The following PNKD variants were observed in gnomAD, a reference collection of about 807,000 sequenced individuals.
The protein encoded by PNKD is probable thioesterase PNKD.
Under a neutral mutation model 45.3 loss-of-function variants are expected in PNKD, and 36 were observed. The ratio of observed to expected loss-of-function variants is 0.80; its 90% CI spans 0.61 to 1.05. The LOEUF is 1.05. Ranked by LOEUF, PNKD falls within the 50% of genes least tolerant of loss-of-function variation. The probability of loss-of-function intolerance (pLI) is 0.00; values close to 1 mark genes in which losing one functional copy is unlikely to be tolerated. For synonymous variants in PNKD, 197 were observed against 210.1 expected (o/e 0.94, Z 0.54); for missense variants, 511 against 506.6 (o/e 1.01, Z -0.08).
chr2:218,272,914 C>T, intron 2 of PNKD: 4 of 1,529,628 alleles, frequency 2.6e-6, no homozygotes, highest in Non-Finnish European at 3.5e-6. Flanking sequence ...CAGCCAAAGG[C>T]AAATAAAGTT....
At chr2:218,276,012 G>A (rs200815904) in intron 2 of PNKD, 208 of 1,609,464 alleles carry the variant, frequency 1.3e-4, no homozygotes, top group Non-Finnish European at 1.7e-4. Context: ...TCCTAGAGTG[G>A]GGCTGGGACT....
At chr2:218,298,047 C>T (rs1693190621) in intron 2 of PNKD, among the ~76,000 whole-genome samples, 1 of 152,028 alleles carries the variant, frequency 6.6e-6, no homozygotes, top group African/African-American at 2.4e-5. Context: ...TCTCTACCTC[C>T]TGTGACTTCT....
chr2:218,340,979 T>C lies in PNKD; in HGVS notation c.524+193T>C. The C allele has an allele frequency of 1.6e-6, 1 of 634,922 alleles. No individual in the cohort carries two copies. The allele number at this position is 634,922 out of a possible 1,614,324, so 39.3% of individuals were successfully genotyped here. On this transcript the variant is annotated intron_variant, in intron 5 of 9. Coordinates refer to ENST00000273077, the MANE Select transcript of PNKD (RefSeq NM_015488.5). This position sits in a 1 kb window ranked among gnomAD's most constrained non-coding sequence, Gnocchi z 4.2. ...TCTCCCACCACTCCATTGATCAAGC[T>C]TCTGAAGCCCCAGAGGGCAGGGCAG...
intron 2 of PNKD, chr2:218,278,677 G>C (rs933670762): frequency 1.7e-6 from 2 of 1,174,054 alleles, no homozygotes; most frequent in African/African-American, 3.0e-5. Context: ...CTGAGGGGAA[G>C]CAACTCAACA....
rs71064439 is a variant in PNKD at position 218,336,788 on chromosome 2, C to CTT, written c.237-2971_237-2970dup. ...GAGTCACCACACCTGGCCTTCAATTCTTTTTTTTTTTTTTTTTTTTTTTTT... is the reference window on the plus strand; with the variant it reads ...GAGTCACCACACCTGGCCTTCAATTCTTTTTTTTTTTTTTTTTTTTTTTTTTT... On this transcript the variant is annotated intron_variant, in intron 2 of 9. Coordinates refer to ENST00000273077, the MANE Select transcript of PNKD (RefSeq NM_015488.5). 3.3e-3 allele frequency among the ~76,000 whole-genome samples: 96 copies of CTT among 29,164 alleles called. 1 individual carries two copies. The highest frequency in any genetic ancestry group is 9.1e-3 in the South Asian group (5 of 548). The allele number at this position is 29,164 out of a possible 152,430, so 19.1% of individuals were successfully genotyped here. A position where few individuals can be genotyped will look rare whatever the true frequency, so the allele number is the denominator to read the frequency against.
chr2:218,335,670 A>T (rs915077323), intron 2 of PNKD, among the ~76,000 whole-genome samples: 1 of 152,194 alleles, frequency 6.6e-6, no homozygotes, highest in African/African-American at 2.4e-5. Flanking sequence ...AGGCCTACGA[A>T]AAAGGAACAT....
At chr2:218,331,882 G>A (rs1051874953) in intron 2 of PNKD, among the ~76,000 whole-genome samples, 3 of 152,252 alleles carry the variant, frequency 2.0e-5, no homozygotes, top group African/African-American at 7.2e-5. Flanking sequence ...TAGATCATGT[G>A]TTTCCCTTGC....
chr2:218,279,207 G>A (rs1181108919), intron 2 of PNKD: 1 of 1,555,082 alleles, frequency 6.4e-7, no homozygotes. Flanking sequence ...CTGAGAGCAG[G>A]GCCCACCGCC....
Position 218,340,714 on chromosome 2 carries a change from CCT to C in PNKD, c.466-6_466-5del. On this transcript the variant is annotated splice_polypyrimidine_tract_variant and intron_variant, in intron 4 of 9. Transcript: ENST00000273077. This position sits in a 1 kb window ranked among gnomAD's most constrained non-coding sequence, Gnocchi z 4.2. ...ATCCTGCTCCCCAGTCTCCAAACCTCCTCTCTCTCGCAGGCTTCCATTGAAAA... is the reference window on the plus strand; with the variant it reads ...ATCCTGCTCCCCAGTCTCCAAACCTCCTCTCTCGCAGGCTTCCATTGAAAA... 2 of 1,611,582 alleles carry C rather than the reference CCT, an allele frequency of 1.2e-6. No homozygotes were observed. Among genetic ancestry groups the C allele is most frequent in the South Asian group, 1.1e-5 (1 of 91,022 alleles).
At chr2:218,309,844 A>C (rs1293013098) in intron 2 of PNKD, among the ~76,000 whole-genome samples, 1 of 151,722 alleles carries the variant, frequency 6.6e-6, no homozygotes. Flanking sequence ...CTGGGGGAGG[A>C]GAATCGCTTG....
intron 2 of PNKD, chr2:218,280,153 C>A: frequency 6.5e-7 from 1 of 1,536,936 alleles, no homozygotes; most frequent in Non-Finnish European, 9.0e-7. Flanking sequence ...CTTGACTCAG[C>A]TGGGGACCTG....
rs567651102 is a variant in PNKD, at chr2:218,298,927, C to A, written c.236+27378C>A. On this transcript the variant is annotated intron_variant, in intron 2 of 9. Transcript: ENST00000273077. ...AACAGCGATTTCCTCTTATTCCCAACCCACGATATTAGCTGCCTGAGAACC... is the reference window on the plus strand; with the variant it reads ...AACAGCGATTTCCTCTTATTCCCAAACCACGATATTAGCTGCCTGAGAACC... Among the ~76,000 whole-genome samples, 65 of 152,196 alleles carry A rather than the reference C, an allele frequency of 4.3e-4. 1 individual carries two copies. The East Asian group carries it at 0.012, about 28-fold the overall frequency.
At chr2:218,342,879 T>C (rs2106296511) in intron 7 of PNKD, among the ~76,000 whole-genome samples, 1 of 151,926 alleles carries the variant, frequency 6.6e-6, no homozygotes, top group South Asian at 2.1e-4. Context: ...AATTAGCCAG[T>C]GTGGTGGTGA....
intron 2 of PNKD, among the ~76,000 whole-genome samples, chr2:218,281,256 C>T (rs973962235): frequency 1.3e-5 from 2 of 150,990 alleles, no homozygotes; most frequent in African/African-American, 4.9e-5. Flanking sequence ...CTGCCTCAGC[C>T]TCCTGAGTAG....
intron 2 of PNKD, among the ~76,000 whole-genome samples, chr2:218,315,611 G>A (rs577032054): frequency 6.8e-4 from 103 of 152,248 alleles, no homozygotes; most frequent in African/African-American, 5.1e-4. Context: ...TTAGAATGAC[G>A]CATTTGTTAT....
intron 2 of PNKD, among the ~76,000 whole-genome samples, chr2:218,291,293 CT>C (rs1692910279): frequency 6.6e-6 from 1 of 152,170 alleles, no homozygotes; most frequent in Non-Finnish European, 1.5e-5. Context: ...TCTCTGGATC[CT>C]CATGACTGGA....
intron 2 of PNKD, among the ~76,000 whole-genome samples, chr2:218,273,479 ATTTTTTT>A (rs10562640): frequency 1.0e-5 from 1 of 96,858 alleles, no homozygotes. Context: ...TTTTTTACTT[ATTTTTTT>A]TTTTTTTTTT....
At chr2:218,328,774 C>G (rs115730107) in intron 2 of PNKD, among the ~76,000 whole-genome samples, 2 of 152,204 alleles carry the variant, frequency 1.3e-5, no homozygotes, top group Admixed American at 1.3e-4. Flanking sequence ...GAAGCCTGCC[C>G]GGCCTCCTCA....
rs1693744827 is a variant in PNKD, at chr2:218,315,028, C to CTT, written c.237-24753_237-24752dup. Among the ~76,000 whole-genome samples, 5 of 1,364 alleles carry CTT rather than the reference C, an allele frequency of 3.7e-3. No homozygotes were observed. In the South Asian group the frequency reaches 0.21, roughly 57 times the overall value. The allele number at this position is 1,364 out of a possible 152,430, so 0.9% of individuals were successfully genotyped here. On this transcript the variant is annotated intron_variant, in intron 2 of 9. Coordinates refer to ENST00000273077, the MANE Select transcript of PNKD (RefSeq NM_015488.5). Reference sequence around the variant, plus strand: ...TTTCTTTCTTTTTCTTTCTTTCTTTCTTTCTTTCTTTTTCTTTCTTTCTTT... The same window carrying CTT: ...TTTCTTTCTTTTTCTTTCTTTCTTTCTTTTTCTTTCTTTTTCTTTCTTTCTTT...
Sources: allele counts gnomAD v4.1 joint callset (sites outside exome capture counted in the v4.1 genomes callset), GRCh38; gene constraint gnomAD v4.1.1; non-coding constraint Gnocchi (gnomAD v3.1); transcripts MANE v1.5; gene names NCBI Gene and HGNC (gene_info 2026-07-23, HGNC 2026-07-21).